The following EPHA1 variants were observed in gnomAD, a reference collection of about 807,000 sequenced individuals.
EPHA1 encodes ephrin type-A receptor 1.
EPHA1 carries 92 observed loss-of-function variants against 110.1 expected under a neutral mutation model. That is an observed-to-expected ratio of 0.84 (90% confidence interval 0.71 to 0.99). The LOEUF is 0.99. EPHA1 is among the 50% of genes least tolerant of loss of function. The pLI is 0.00. For missense variants in EPHA1, 1,204 were observed against 1,285.4 expected, an observed-to-expected ratio of 0.94 and a Z score of 0.97; for synonymous variants, 500 against 516.1, an observed-to-expected ratio of 0.97 and a Z score of 0.42.
Position 143,394,222 on chromosome 7 carries a change from T to C in EPHA1, c.2474A>G (p.Lys825Arg). ...VMWEVLSFGD[K>R]PYGEMSNQEV... ...CTGATTGCTCATCTCCCCATAAGGC[T>C]TGTCCCCAAAGCTCAGCACCTCCCA... Residue 825 changes from lysine (K) to arginine (R), a missense_variant, in exon 15 of 18, where the codon AAG becomes AGG. By Grantham distance (26) the Lys-to-Arg change is conservative. Coordinates refer to ENST00000275815, the MANE Select transcript of EPHA1 (RefSeq NM_005232.5). 6.2e-7 allele frequency: 1 copy of C among 1,614,062 alleles called. No individual in the cohort carries two copies. The highest frequency in any genetic ancestry group is 8.5e-7 in the Non-Finnish European group (1 of 1,179,970).
intron 1 of EPHA1, among the ~76,000 whole-genome samples, chr7:143,408,435 GC>G (rs1395879137): frequency 6.6e-6 from 1 of 152,078 alleles, no homozygotes; most frequent in Non-Finnish European, 1.5e-5. Flanking sequence ...GGGTGCGGGT[GC>G]AGGTGCTACT....
At chr7:143,408,007 C>G in intron 1 of EPHA1, 2 of 194,642 alleles carry the variant, frequency 1.0e-5, no homozygotes, top group African/African-American at 2.3e-5. Context: ...CCATCAGCTG[C>G]AGGATTGGAA....
At position 143,399,750 on chromosome 7, in the gene EPHA1, G is replaced by T. The variant is rs1455925427; in HGVS notation, c.736C>A (p.Arg246Ser). 1 of 1,613,758 alleles carries T rather than the reference G, an allele frequency of 6.2e-7. No individual in the cohort carries two copies. Among genetic ancestry groups the T allele is most frequent in the Non-Finnish European group, 8.5e-7 (1 of 1,179,966 alleles). ...TCGCCATCAGGGCTGCAGTGCATGC[G>T]GGGTGCACCTGAGGGCCTGGGGCTG... is the stretch of plus-strand genomic sequence containing the variant. Reference protein sequence around the residue: ...RASPRPSGAPRMHCSPDGEWL... With the variant: ...RASPRPSGAPSMHCSPDGEWL... Residue 246 changes from arginine (R) to serine (S), a missense_variant, in exon 4 of 18, where the codon CGC becomes AGC. Transcript: ENST00000275815.
chr7:143,408,080 C>A (rs1380639140), intron 1 of EPHA1, among the ~76,000 whole-genome samples: 1 of 152,150 alleles, frequency 6.6e-6, no homozygotes, highest in Non-Finnish European at 1.5e-5. Context: ...GACCGGGGAC[C>A]TCAGAAGGGG....
Position 143,394,799 on chromosome 7 carries a change from G to C in EPHA1, c.2352+9C>G. On this transcript the variant is annotated intron_variant, in intron 14 of 17. Coordinates refer to ENST00000275815, the MANE Select transcript of EPHA1 (RefSeq NM_005232.5). ...GTGAATGTGCACTGGGTTTGTACCG[G>C]CCTCTAACCTGGGTTTCGTATGTGC... The C allele has an allele frequency of 6.2e-7, 1 of 1,613,888 alleles. No homozygotes were observed. Among genetic ancestry groups the C allele is most frequent in the Non-Finnish European group, 8.5e-7 (1 of 1,180,018 alleles).
At chr7:143,407,421 T>C (rs901264311) in intron 2 of EPHA1, among the ~76,000 whole-genome samples, 190 bp downstream of exon 2, 1 of 152,100 alleles carries the variant, frequency 6.6e-6, no homozygotes, top group Non-Finnish European at 1.5e-5. Context: ...AGCGTTCATC[T>C]TGAGGTGAAG....
chr7:143,396,244 C>T (rs1805240948), intron 11 of EPHA1, 141 bp downstream of exon 11: 3 of 1,188,442 alleles, frequency 2.5e-6, no homozygotes, highest in Non-Finnish European at 3.4e-6. Flanking sequence ...CAGAGCAGAG[C>T]AGAGTGAGTA....
Position 143,399,954 on chromosome 7 carries a change from G to A in EPHA1, c.532C>T (p.Arg178Cys), listed in dbSNP as rs745810214. Residue 178 changes from arginine (R) to cysteine (C), a missense_variant, in exon 4 of 18, where the codon CGC becomes TGC. Arg to Cys is a radical substitution (Grantham distance 180, BLOSUM62 -3). Coordinates refer to ENST00000275815, the MANE Select transcript of EPHA1 (RefSeq NM_005232.5). ...TGGAAAGCGAGGTAGAGGCCACGGCGGGTCAGGCGGCCCAGAGAGCAGCGC... is the reference window on the plus strand; with the variant it reads ...TGGAAAGCGAGGTAGAGGCCACGGCAGGTCAGGCGGCCCAGAGAGCAGCGC... Reference protein sequence around the residue: ...VERCSLGRLTRRGLYLAFHNP... With the variant: ...VERCSLGRLTCRGLYLAFHNP... The A allele has an allele frequency of 1.1e-4, 183 of 1,613,658 alleles. No individual in the cohort carries two copies. Among genetic ancestry groups the A allele is most frequent in the Admixed American group, 3.2e-4 (19 of 60,004 alleles).
Position 143,397,960 on chromosome 7 carries a change from G to T in EPHA1, c.1575C>A (p.Gly525=). The change falls in exon 8 of 18, where the codon GGC becomes GGA. Residue 525 remains glycine (G), a synonymous_variant. Coordinates refer to ENST00000275815, the MANE Select transcript of EPHA1 (RefSeq NM_005232.5). The part of the protein sequence containing the change: ...RVRMLTPLGP[G]PFSPDHEFRT... ...GAAACTCATGATCAGGGGAGAAAGG[G>T]CCAGGACCCAGTGGGGTCAGCATTC... 6.2e-7 allele frequency: 1 copy of T among 1,614,122 alleles called. No homozygotes were observed. Among genetic ancestry groups the T allele is most frequent in the Non-Finnish European group, 8.5e-7 (1 of 1,180,008 alleles).
At position 143,393,823 on chromosome 7, in the gene EPHA1, A is replaced by G. The variant is rs55791665; in HGVS notation, c.2544T>C (p.Pro848=). 2.2e-4 allele frequency: 353 copies of G among 1,594,516 alleles called. No homozygotes were observed. Among genetic ancestry groups the G allele is most frequent in the Non-Finnish European group, 2.8e-4 (323 of 1,167,602 alleles). The part of the protein sequence containing the change: ...SIEDGYRLPP[P]VDCPAPLYEL... ...CATACAGAGGGGCAGGGCAGTCCACAGGAGGGGGCAACCGGTACCCATCCT... is the reference window on the plus strand; with the variant it reads ...CATACAGAGGGGCAGGGCAGTCCACGGGAGGGGGCAACCGGTACCCATCCT... Residue 848 remains proline (P), a synonymous_variant, in exon 16 of 18, where the codon CCT becomes CCC. Coordinates refer to ENST00000275815, the MANE Select transcript of EPHA1 (RefSeq NM_005232.5). The surrounding 1 kb of genome is among the most constrained non-coding windows in gnomAD (Gnocchi z 5.6).
chr7:143,398,133 A>G (rs1006549087), intron 7 of EPHA1, 63 bp from the exon 8 acceptor site: 8 of 1,600,012 alleles, frequency 5.0e-6, no homozygotes, highest in Non-Finnish European at 6.8e-6. Flanking sequence ...TGTGATGGAC[A>G]GCATCAGAGC....
Position 143,398,709 on chromosome 7 carries a change from C to T in EPHA1, c.1228G>A (p.Glu410Lys). Residue 410 changes from glutamate (E) to lysine (K), a missense_variant, in exon 6 of 18, where the codon GAA becomes AAA. Glu to Lys is a moderately conservative substitution (Grantham distance 56). Transcript: ENST00000275815. ...TTAAAGGTGTAGTTGGCATAAGGTTCAAGGCCATTGACATGCACTGCAGGT... is the reference window on the plus strand; with the variant it reads ...TTAAAGGTGTAGTTGGCATAAGGTTTAAGGCCATTGACATGCACTGCAGGT... ...TTPAVHVNGL[E>K]PYANYTFNVE... 1 of 1,614,136 alleles carries T rather than the reference C, an allele frequency of 6.2e-7. No homozygotes were observed. The highest frequency in any genetic ancestry group is 8.5e-7 in the Non-Finnish European group (1 of 1,180,014).
At position 143,401,238 on chromosome 7, in the gene EPHA1, C is replaced by T; in HGVS notation, c.432+86G>A. On this transcript the variant is annotated intron_variant, in intron 3 of 17. Transcript: ENST00000275815. The surrounding 1 kb of genome is among the most constrained non-coding windows in gnomAD (Gnocchi z 4.1). The stretch of plus-strand genomic sequence containing the variant: ...CAAGATTCTACCTCTGCACCCTCTT[C>T]CTGTCTCTGCAACCTTCTCTGGCAC... 6.6e-7 allele frequency: 1 copy of T among 1,520,928 alleles called. No individual in the cohort carries two copies. The allele number at this position is 1,520,928 out of a possible 1,614,324, so 94.2% of individuals were successfully genotyped here.
intron 14 of EPHA1, 64 bp downstream of exon 14, chr7:143,394,744 G>A: frequency 6.3e-7 from 1 of 1,580,796 alleles, no homozygotes. Flanking sequence ...ATATACATGT[G>A]ACTGTATGAA....
chr7:143,399,697 GTGGCACC>G lies in EPHA1; in HGVS notation c.782_788del (p.Arg261ProfsTer77), dbSNP rs770659823. The G allele has an allele frequency of 8.1e-6, 13 of 1,613,666 alleles. No homozygotes were observed. The highest frequency in any genetic ancestry group is 1.1e-5 in the Non-Finnish European group (13 of 1,180,044). The stretch of plus-strand genomic sequence containing the variant: ...CACCTTCCTCATAGCCAGGCTCACA[GTGGCACC>G]GTCCTACAGGCACCAGCCACTCGCC... On this transcript the variant is annotated frameshift_variant, in exon 4 of 18. Transcript: ENST00000275815. LOFTEE classifies it high-confidence loss of function.
chr7:143,391,785 A>G lies in EPHA1; in HGVS notation c.2697-10T>C. 6.2e-7 allele frequency: 1 copy of G among 1,613,284 alleles called. No individual in the cohort carries two copies. The highest frequency in any genetic ancestry group is 8.5e-7 in the Non-Finnish European group (1 of 1,179,700). On this transcript the variant is annotated splice_polypyrimidine_tract_variant and intron_variant, in intron 16 of 17. Transcript: ENST00000275815. ...CAGGCGAAGAGTCATCCTGTGGGAC[A>G]TGGGCATGTCAGTCACAGCGGGTAC...
At chr7:143,398,191 T>C (rs749077009) in intron 7 of EPHA1, 121 bp from the exon 8 acceptor site, 15 of 1,574,334 alleles carry the variant, frequency 9.5e-6, no homozygotes, top group African/African-American at 5.4e-5. Flanking sequence ...GGGTTCTTCA[T>C]AGACTTTTGT....
Position 143,401,453 on chromosome 7 carries a change from G to A in EPHA1, c.303C>T (p.Phe101=). The A allele has an allele frequency of 1.2e-6, 2 of 1,614,126 alleles. No individual in the cohort carries two copies. The highest frequency in any genetic ancestry group is 1.7e-6 in the Non-Finnish European group (2 of 1,180,050). ...EASRVHVELQ[F]TVRDCKSFPG... is the part of the protein sequence containing the mutation. ...GGAAACTCTTGCAGTCCCGCACGGT[G>A]AACTGCAGCTCCACGTGGACGCGGG... is the stretch of plus-strand genomic sequence containing the variant. The change falls in exon 3 of 18, where the codon TTC becomes TTT. Residue 101 remains phenylalanine, a synonymous_variant. Transcript: ENST00000275815. This position sits in a 1 kb window ranked among gnomAD's most constrained non-coding sequence, Gnocchi z 4.1.
Position 143,397,904 on chromosome 7 carries a change from G to C in EPHA1, c.1615+16C>G. ...ACAGGTGTATGTGTGTTGGGGCAGA[G>C]CACAAGATACCCCACCTGGTGGGCT... is the stretch of plus-strand genomic sequence containing the variant. On this transcript the variant is annotated intron_variant, in intron 8 of 17. Coordinates refer to ENST00000275815, the MANE Select transcript of EPHA1 (RefSeq NM_005232.5). 6.2e-7 allele frequency: 1 copy of C among 1,613,428 alleles called. No homozygotes were observed. The highest frequency in any genetic ancestry group is 8.5e-7 in the Non-Finnish European group (1 of 1,179,506).
Sources: gnomAD v4.1 joint callset for allele counts (sites outside exome capture counted in the v4.1 genomes callset) on GRCh38, gnomAD v4.1.1 for gene constraint, Gnocchi (gnomAD v3.1) non-coding constraint, MANE v1.5 for transcripts, NCBI Gene and HGNC (gene_info 2026-07-23, HGNC 2026-07-21) for gene names.